Variants in GRIK4 observed in about 807,000 individuals in gnomAD.
GRIK4 encodes the protein glutamate receptor ionotropic, kainate 4.
In GRIK4, 40 loss-of-function variants were observed where a neutral mutation model predicts 104.9. The ratio of observed to expected loss-of-function variants is 0.38; its 90% CI spans 0.30 to 0.50. The LOEUF (loss-of-function observed/expected upper bound fraction) is 0.50. Among genes scored for constraint, GRIK4 ranks in the 20% least tolerant of loss-of-function variants. The pLI, the probability that GRIK4 is intolerant of heterozygous loss-of-function variation, is 0.93. For synonymous variants in GRIK4, 485 were observed against 524.9 expected, an observed-to-expected ratio of 0.92 and a Z score of 1.04; for missense variants, 1,047 against 1,308.1, an observed-to-expected ratio of 0.80 and a Z score of 3.08.
At chr11:120,720,195 C>G (rs1238311854) in intron 3 of GRIK4, among the ~76,000 whole-genome samples, 1 of 152,042 alleles carries the variant, frequency 6.6e-6, no homozygotes, top group African/African-American at 2.4e-5. Flanking sequence ...AGATTTCGAA[C>G]TGAGAGCTCA....
intron 1 of GRIK4, among the ~76,000 whole-genome samples, chr11:120,602,703 T>G (rs1948902839): frequency 6.6e-6 from 1 of 152,178 alleles, no homozygotes; most frequent in African/African-American, 2.4e-5. Context: ...CGTTAGTATC[T>G]TCTTCTTATT....
intron 1 of GRIK4, among the ~76,000 whole-genome samples, chr11:120,627,007 T>C (rs1298601612): frequency 6.6e-6 from 1 of 152,216 alleles, no homozygotes; most frequent in Non-Finnish European, 1.5e-5. Context: ...GCTTCTCCAC[T>C]GCCCAAGGCC....
intron 13 of GRIK4, among the ~76,000 whole-genome samples, chr11:120,928,835 G>A (rs1943411116): frequency 6.6e-6 from 1 of 152,182 alleles, no homozygotes. Flanking sequence ...GGATGACATT[G>A]CCACTTTCCC....
intron 9 of GRIK4, among the ~76,000 whole-genome samples, chr11:120,862,838 G>A (rs865853205): frequency 1.3e-5 from 2 of 152,340 alleles, no homozygotes; most frequent in African/African-American, 4.8e-5. Flanking sequence ...CTAGGATTAT[G>A]TGGCTTTTTA....
intron 14 of GRIK4, among the ~76,000 whole-genome samples, chr11:120,951,363 GCTT>G (rs1477331364): frequency 6.6e-6 from 1 of 152,226 alleles, no homozygotes; most frequent in African/African-American, 2.4e-5. Flanking sequence ...GAGTTTCTCA[GCTT>G]CTTCTAGCTT....
intron 3 of GRIK4, among the ~76,000 whole-genome samples, chr11:120,789,229 G>T (rs966681668): frequency 2.6e-5 from 4 of 152,056 alleles, no homozygotes; most frequent in African/African-American, 9.7e-5. Flanking sequence ...TAAACAGTGC[G>T]CCCCGAACTT....
At chr11:120,934,453 G>A (rs1356280852) in intron 13 of GRIK4, among the ~76,000 whole-genome samples, 1 of 152,142 alleles carries the variant, frequency 6.6e-6, no homozygotes, top group African/African-American at 2.4e-5. Context: ...CAGCCTTATT[G>A]TGAAGGCTCA....
chr11:120,687,094 A>G (rs1012441396), intron 3 of GRIK4, among the ~76,000 whole-genome samples: 2 of 152,258 alleles, frequency 1.3e-5, no homozygotes, highest in African/African-American at 4.8e-5. Context: ...TTGTATGATT[A>G]GTAATTTATA....
rs910545051 is a variant in GRIK4, at chr11:120,905,591, A to C, written c.1476+98A>C. On this transcript the variant is annotated intron_variant, in intron 13 of 20. Transcript: ENST00000527524. The surrounding 1 kb of genome is among the most constrained non-coding windows in gnomAD (Gnocchi z 5.1). ...ACGCTCATGAACCCTCCATTTGTTC[A>C]GTCAATCATTCATGCATTTGTCATT... 7 of 822,662 alleles carry C rather than the reference A, an allele frequency of 8.5e-6. No homozygotes were observed. The South Asian group carries it at 1.0e-4, about 12-fold the overall frequency. The allele number at this position is 822,662 out of a possible 1,614,324, so 51.0% of individuals were successfully genotyped here. A position where few individuals can be genotyped will look rare whatever the true frequency, so the allele number is the denominator to read the frequency against.
At position 120,940,495 on chromosome 11, in the gene GRIK4, A is replaced by G. The variant is rs1943698366; in HGVS notation, c.1590+35A>G. 8.4e-6 allele frequency: 10 copies of G among 1,195,418 alleles called. No individual in the cohort carries two copies. The highest frequency in any genetic ancestry group is 1.2e-5 in the Non-Finnish European group (10 of 804,784). 74.1% of individuals were successfully genotyped at this position (1,195,418 alleles called of 1,614,324 possible). ...TTATTTTATAAGCATTTATGTCATT[A>G]AAGTTATTTGCATGCAAACACTGAG... On this transcript the variant is annotated intron_variant, in intron 14 of 20. Coordinates refer to ENST00000527524, the MANE Select transcript of GRIK4 (RefSeq NM_014619.5). This position sits in a 1 kb window ranked among gnomAD's most constrained non-coding sequence, Gnocchi z 4.3.
At chr11:120,972,578 A>G (rs1944492942) in intron 19 of GRIK4, among the ~76,000 whole-genome samples, 1 of 152,348 alleles carries the variant, frequency 6.6e-6, no homozygotes, top group African/African-American at 2.4e-5. Flanking sequence ...ATCAGATAAA[A>G]GGATGCCCTG....
At chr11:120,733,634 C>G (rs1951176417) in intron 3 of GRIK4, among the ~76,000 whole-genome samples, 3 of 151,958 alleles carry the variant, frequency 2.0e-5, no homozygotes, top group South Asian at 4.2e-4. Flanking sequence ...ACTTTGACCC[C>G]CTGCTTTTTA....
At chr11:120,546,065 G>A (rs574724623) in intron 1 of GRIK4, among the ~76,000 whole-genome samples, 1 of 152,170 alleles carries the variant, frequency 6.6e-6, no homozygotes, top group African/African-American at 2.4e-5. Context: ...CATGACCAAA[G>A]AATCCGTGGT....
chr11:120,760,089 A>T (rs1194729011), intron 3 of GRIK4, among the ~76,000 whole-genome samples: 2 of 151,918 alleles, frequency 1.3e-5, no homozygotes, highest in African/African-American at 4.8e-5. Flanking sequence ...AAACGTGTTC[A>T]TCCTACATAC....
intron 1 of GRIK4, chr11:120,619,866 TCTG>T (rs1440502629): frequency 9.3e-6 from 2 of 214,832 alleles, no homozygotes; most frequent in East Asian, 9.8e-5. Flanking sequence ...TTACCCAGTC[TCTG>T]CTATTTCTTT....
At chr11:120,763,473 G>A (rs1217350087) in intron 3 of GRIK4, among the ~76,000 whole-genome samples, 1 of 152,014 alleles carries the variant, frequency 6.6e-6, no homozygotes, top group Non-Finnish European at 1.5e-5. Flanking sequence ...GTTATTTCTT[G>A]TCTTCTGCTA....
At chr11:120,773,571 C>G (rs140835104) in intron 3 of GRIK4, among the ~76,000 whole-genome samples, 24 of 152,210 alleles carry the variant, frequency 1.6e-4, no homozygotes, top group Non-Finnish European at 3.2e-4. Flanking sequence ...TCAGGAAATT[C>G]CAGGGATTTG....
At chr11:120,553,639 G>T (rs544104588) in intron 1 of GRIK4, among the ~76,000 whole-genome samples, 1 of 152,174 alleles carries the variant, frequency 6.6e-6, no homozygotes, top group Non-Finnish European at 1.5e-5. Context: ...TTTGGAACTC[G>T]CAAACTGCAC....
intron 2 of GRIK4, among the ~76,000 whole-genome samples, chr11:120,657,488 A>T (rs933125694): frequency 2.0e-5 from 3 of 152,178 alleles, no homozygotes; most frequent in African/African-American, 7.2e-5. Context: ...CCTTCCATTC[A>T]TTGAACAAAT....
Sources: gnomAD v4.1 joint callset for allele counts (sites outside exome capture counted in the v4.1 genomes callset) on GRCh38, gnomAD v4.1.1 for gene constraint, Gnocchi (gnomAD v3.1) non-coding constraint, MANE v1.5 for transcripts, NCBI Gene and HGNC (gene_info 2026-07-23, HGNC 2026-07-21) for gene names.